Variants in DCTN1 observed in about 807,000 individuals in gnomAD.
DCTN1 encodes dynactin subunit 1, also known as 150 kDa dynein-associated polypeptide.
DCTN1 carries 61 observed loss-of-function variants against 161.2 expected under a neutral mutation model. The ratio of observed to expected loss-of-function variants is 0.38; its 90% confidence interval spans 0.31 to 0.47. The LOEUF (loss-of-function observed/expected upper bound fraction) is 0.47. Among genes scored for constraint, DCTN1 ranks in the 20% least tolerant of loss-of-function variants. DCTN1 has a pLI of 0.99. For synonymous variants in DCTN1, 653 were observed against 632.4 expected, an observed-to-expected ratio of 1.03 and a Z score of -0.49; for missense variants, 1,404 against 1,623.7, an observed-to-expected ratio of 0.86 and a Z score of 2.33.
chr2:74,362,506 C>G (rs1573139806), intron 30 of DCTN1, 144 bp downstream of exon 30: 1 of 828,690 alleles, frequency 1.2e-6, no homozygotes, highest in East Asian at 2.7e-5. Flanking sequence ...AGACAGTGAG[C>G]TTCCAAGGCA....
rs777949577 is a variant in DCTN1, at chr2:74,366,307, G to T, written c.2697C>A (p.Thr899=). 1 of 1,614,202 alleles carries T rather than the reference G, an allele frequency of 6.2e-7. No homozygotes were observed. The highest frequency in any genetic ancestry group is 1.1e-5 in the South Asian group (1 of 91,082). Residue 899 remains threonine, a synonymous_variant, in exon 23 of 32, where the codon ACC becomes ACA. Transcript: ENST00000628224. Reference sequence around the variant, plus strand: ...GCATGGCTGTGGCCAGCTTGTTCATGGTACTGATGAGGATGTTGCATGACT... The same window carrying T: ...GCATGGCTGTGGCCAGCTTGTTCATTGTACTGATGAGGATGTTGCATGACT... The part of the protein sequence containing the change: ...LRQSCNILIS[T]MNKLATAMQE...
In DCTN1 at chr2:74,366,931, C is replaced by G; in HGVS notation, c.2318G>C (p.Gly773Ala). Reference sequence around the variant, plus strand: ...GGCAATATCTGTAGCCTCCTGCCCACCCTACTCAGGAAAAAGAAAATGGAT... The same window carrying G: ...GGCAATATCTGTAGCCTCCTGCCCAGCCTACTCAGGAAAAAGAAAATGGAT... The part of the protein sequence containing the change: ...EVGRLRAFLQ[G>A]GQEATDIALL... The change falls in exon 21 of 32, where the codon GGT becomes GCT. Residue 773 changes from glycine to alanine, a missense_variant and splice_region_variant. Transcript: ENST00000628224. The G allele has an allele frequency of 6.2e-7, 1 of 1,614,182 alleles. No homozygotes were observed. Among genetic ancestry groups the G allele is most frequent in the Non-Finnish European group, 8.5e-7 (1 of 1,180,042 alleles).
At position 74,378,118 on chromosome 2, in the gene DCTN1, G is replaced by A. The variant is rs1279804596; in HGVS notation, c.161C>T (p.Thr54Ile). ...CAGAATCACGCCTACCCATTTGCCA[G>A]TGGCAAACAGTGTGGCTCCAACATA... ...VAYVGATLFATGKWVGVILDE... is the reference protein window; with the variant it reads ...VAYVGATLFAIGKWVGVILDE... Residue 54 changes from threonine to isoleucine, a missense_variant, in exon 2 of 32, where the codon ACT becomes ATT. Physicochemically the swap from Thr to Ile is moderately conservative, Grantham distance 89 (BLOSUM62 -1). Coordinates refer to ENST00000628224, the MANE Select transcript of DCTN1 (RefSeq NM_004082.5). The A allele has an allele frequency of 6.2e-7, 1 of 1,614,236 alleles. No homozygotes were observed.
intron 8 of DCTN1, 130 bp from the exon 9 acceptor site, chr2:74,371,306 T>C: frequency 6.3e-7 from 1 of 1,586,500 alleles, no homozygotes; most frequent in Non-Finnish European, 8.6e-7. Flanking sequence ...GTCAGTGGCA[T>C]AAGAACATCT....
chr2:74,374,598 G>A (rs1675111106), intron 5 of DCTN1: 4 of 1,275,024 alleles, frequency 3.1e-6, no homozygotes, highest in Middle Eastern at 3.3e-4. Flanking sequence ...CAGCTGGATC[G>A]CCAGGCTCCG....
Position 74,365,972 on chromosome 2 carries a change from G to A in DCTN1, c.2807C>T (p.Thr936Ile), listed in dbSNP as rs1674375235. 2 of 1,614,114 alleles carry A rather than the reference G, an allele frequency of 1.2e-6. No individual in the cohort carries two copies. Among genetic ancestry groups the A allele is most frequent in the Non-Finnish European group, 1.7e-6 (2 of 1,180,056 alleles). ...LRAAALRAEITDAEGLGLKLE... is the reference protein window; with the variant it reads ...LRAAALRAEIIDAEGLGLKLE... ...CTTCAAACCCAGGCCTTCAGCATCT[G>A]TGATCTCTGCACGAAGGGCAGCAGC... The change falls in exon 24 of 32, where the codon ACA becomes ATA. Residue 936 changes from threonine to isoleucine, a missense_variant. Around this residue, in one of 9 missense-constraint regions of DCTN1, gnomAD observed 475 missense variants for 489.8 expected, o/e 0.97. Transcript: ENST00000628224.
intron 5 of DCTN1, among the ~76,000 whole-genome samples, chr2:74,375,495 G>C (rs1675170259): frequency 6.6e-6 from 1 of 152,212 alleles, no homozygotes; most frequent in Non-Finnish European, 1.5e-5. Flanking sequence ...GGGTGGCCTA[G>C]GCTGGGCTTT....
rs918316933 is a variant in DCTN1 at position 74,371,449 on chromosome 2, G to A, written c.645+88C>T. ...TTTCTGATCCAAGTTCTAGGTCTTT[G>A]CCAACCCCAGGAAATTTTCAAGACA... On this transcript the variant is annotated intron_variant, in intron 8 of 31. Transcript: ENST00000628224. 5.7e-6 allele frequency: 8 copies of A among 1,395,136 alleles called. No individual in the cohort carries two copies. In the Admixed American group the frequency reaches 1.8e-4, roughly 31 times the overall value. The allele number at this position is 1,395,136 out of a possible 1,614,324, so 86.4% of individuals were successfully genotyped here.
rs1315324977 is a variant in DCTN1, at chr2:74,369,682, G to A, written c.1393-191C>T. Among the ~76,000 whole-genome samples, 5 of 152,110 alleles carry A rather than the reference G, an allele frequency of 3.3e-5. No homozygotes were observed. The highest frequency in any genetic ancestry group is 6.5e-5 in the Admixed American group (1 of 15,280). ...ACAAAAATTAGCTGGGTATGGTGGCGCATGCCTGTAGTACCAGCTACTCGG... is the reference window on the plus strand; with the variant it reads ...ACAAAAATTAGCTGGGTATGGTGGCACATGCCTGTAGTACCAGCTACTCGG... On this transcript the variant is annotated intron_variant, in intron 13 of 31. Coordinates refer to ENST00000628224, the MANE Select transcript of DCTN1 (RefSeq NM_004082.5). The surrounding 1 kb of genome is among the most constrained non-coding windows in gnomAD (Gnocchi z 4.9).
At chr2:74,363,649 G>T in intron 26 of DCTN1, 21 bp from the exon 27 acceptor site, 1 of 1,613,374 alleles carries the variant, frequency 6.2e-7, no homozygotes, top group Non-Finnish European at 8.5e-7. Context: ...GATAGCCCAT[G>T]GGGGAGCAGG....
chr2:74,380,881 G>C (rs1355627938), upstream of DCTN1, among the ~76,000 whole-genome samples: 1 of 152,186 alleles, frequency 6.6e-6, no homozygotes, highest in East Asian at 1.9e-4. Flanking sequence ...TAAGGGGCCA[G>C]GTTGTAAAAC....
chr2:74,361,984 C>G, intron 31 of DCTN1, 68 bp downstream of exon 31: 1 of 1,512,456 alleles, frequency 6.6e-7, no homozygotes, highest in South Asian at 1.1e-5. Context: ...TCCTCCAATT[C>G]TGGAGGAGAG....
At position 74,377,956 on chromosome 2, in the gene DCTN1, G is replaced by C. The variant is rs774291772; in HGVS notation, c.279+44C>G. On this transcript the variant is annotated intron_variant, in intron 2 of 31. Transcript: ENST00000628224. ...CAACACATCAGCTGCACATGCGACA[G>C]ACATGTGCACACATGCACAGACACA... 14 of 1,610,454 alleles carry C rather than the reference G, an allele frequency of 8.7e-6. No individual in the cohort carries two copies. In the East Asian group the frequency reaches 3.1e-4, roughly 36 times the overall value.
At chr2:74,365,330 G>A (rs1674326804) in intron 25 of DCTN1, 89 bp from the exon 26 acceptor site, 1 of 1,578,364 alleles carries the variant, frequency 6.3e-7, no homozygotes, top group Non-Finnish European at 8.6e-7. Context: ...GAATAGCCCT[G>A]CCAGTGAGAA....
At chr2:74,371,220 C>T (rs1332781733) in intron 8 of DCTN1, 44 bp from the exon 9 acceptor site, 2 of 1,609,876 alleles carry the variant, frequency 1.2e-6, no homozygotes, top group East Asian at 2.2e-5. Context: ...CCCACTCCTC[C>T]TCTCCACCAA....
chr2:74,382,997 C>T (rs2103750655), upstream of DCTN1, among the ~76,000 whole-genome samples: 1 of 151,710 alleles, frequency 6.6e-6, no homozygotes, highest in Non-Finnish European at 1.5e-5. Context: ...ATGGCGTGAA[C>T]CCGGGAAGCG....
In DCTN1 at chr2:74,369,592, G is replaced by A. The variant is rs1186014503; in HGVS notation, c.1393-101C>T. 4.7e-5 allele frequency: 56 copies of A among 1,182,878 alleles called. 1 individual carries two copies. Among genetic ancestry groups the A allele is most frequent in the South Asian group, 3.9e-4 (32 of 82,078 alleles). 73.3% of individuals were successfully genotyped at this position (1,182,878 alleles called of 1,614,324 possible). A position where few individuals can be genotyped will look rare whatever the true frequency, so the allele number is the denominator to read the frequency against. On this transcript the variant is annotated intron_variant, in intron 13 of 31. Coordinates refer to ENST00000628224, the MANE Select transcript of DCTN1 (RefSeq NM_004082.5). This position sits in a 1 kb window ranked among gnomAD's most constrained non-coding sequence, Gnocchi z 4.9. ...AGCACTTTGGGAGGTCAAAGCAGGC[G>A]GATCATGAGGTCGAGATCGAGATCA...
At chr2:74,373,870 C>G (rs1318867695) in intron 6 of DCTN1, among the ~76,000 whole-genome samples, 1 of 152,228 alleles carries the variant, frequency 6.6e-6, no homozygotes, top group Non-Finnish European at 1.5e-5. Flanking sequence ...ATTCTAGGTT[C>G]CCCATCCCAC....
In DCTN1 at chr2:74,367,026, G is replaced by T; in HGVS notation, c.2316+19C>A. On this transcript the variant is annotated intron_variant, in intron 20 of 31. Transcript: ENST00000628224. The stretch of plus-strand genomic sequence containing the variant: ...CTAAGAAAGAAGAGGAGCTCACACA[G>T]ATCTAGATGTGTTCTCACCTGCAAG... 3.7e-6 allele frequency: 6 copies of T among 1,614,144 alleles called. No individual in the cohort carries two copies. Among genetic ancestry groups the T allele is most frequent in the Non-Finnish European group, 5.1e-6 (6 of 1,179,964 alleles).
Sources: allele counts gnomAD v4.1 joint callset (sites outside exome capture counted in the v4.1 genomes callset), GRCh38; gene constraint gnomAD v4.1.1; regional missense constraint gnomAD v4.1.1; non-coding constraint Gnocchi (gnomAD v3.1); transcripts MANE v1.5; gene names NCBI Gene and HGNC (gene_info 2026-07-23, HGNC 2026-07-21).